Variants in ZBTB40 observed in about 807,000 individuals in gnomAD.
ZBTB40 encodes the protein zinc finger and BTB domain-containing protein 40.
In ZBTB40, 60 loss-of-function variants were observed where a neutral mutation model predicts 117.5. The ratio of observed to expected loss-of-function variants is 0.51; its 90% confidence interval spans 0.41 to 0.63. The LOEUF (loss-of-function observed/expected upper bound fraction) is 0.63. Ranked by LOEUF, ZBTB40 falls within the 30% of genes least tolerant of loss-of-function variation. ZBTB40 has a pLI of 0.00. For synonymous variants in ZBTB40, 525 were observed against 577.1 expected (o/e 0.91, Z 1.29); for missense variants, 1,287 against 1,498.5 (o/e 0.86, Z 2.33).
chr1:22,452,799 A>C (rs1640912644), intron 1 of ZBTB40: 1 of 152,214 alleles, frequency 6.6e-6, no homozygotes. Flanking sequence ...TTGACAGAAC[A>C]CTCTGGCTTC....
chr1:22,495,943 T>TA (rs1327572040), intron 3 of ZBTB40, among the ~76,000 whole-genome samples: 1 of 152,194 alleles, frequency 6.6e-6, no homozygotes, highest in African/African-American at 2.4e-5. Flanking sequence ...TTCATGTGGG[T>TA]AAAAACAAAC....
upstream of ZBTB40, among the ~76,000 whole-genome samples, chr1:22,449,690 T>TA (rs555423029): frequency 1.3e-5 from 2 of 152,214 alleles, no homozygotes; most frequent in East Asian, 1.9e-4. Flanking sequence ...TGTATTCATT[T>TA]AAAAAAAGTT....
chr1:22,471,679 T>C (rs1476148743), intron 1 of ZBTB40, among the ~76,000 whole-genome samples: 1 of 152,170 alleles, frequency 6.6e-6, no homozygotes, highest in Non-Finnish European at 1.5e-5. Context: ...GACCAGTGGA[T>C]TGGGCAAAAA....
At chr1:22,487,746 T>A (rs1485325756) in intron 1 of ZBTB40, among the ~76,000 whole-genome samples, 1 of 152,152 alleles carries the variant, frequency 6.6e-6, no homozygotes, top group African/African-American at 2.4e-5. Flanking sequence ...AGGTGGTATA[T>A]TTAAAATGCA....
intron 1 of ZBTB40, among the ~76,000 whole-genome samples, chr1:22,434,985 G>A (rs945762886): frequency 3.3e-5 from 5 of 150,078 alleles, no homozygotes; most frequent in Admixed American, 1.3e-4. Context: ...ATGTGTTTCC[G>A]TTTGCTCGAG....
At chr1:22,494,643 T>G (rs959953679) in intron 3 of ZBTB40, among the ~76,000 whole-genome samples, 2 of 152,262 alleles carry the variant, frequency 1.3e-5, no homozygotes, top group East Asian at 3.8e-4. Flanking sequence ...ATGTCTGTGC[T>G]GGCACCTTTC....
chr1:22,520,424 T>C (rs1456839642), intron 14 of ZBTB40, 149 bp downstream of exon 14: 1 of 741,894 alleles, frequency 1.3e-6, no homozygotes, highest in Non-Finnish European at 2.3e-6. Flanking sequence ...ATGCAGCTTG[T>C]GATCCAGATT....
chr1:22,477,645 T>A, intron 1 of ZBTB40, among the ~76,000 whole-genome samples: 1 of 143,512 alleles, frequency 7.0e-6, no homozygotes. Flanking sequence ...CGAGACTCTG[T>A]CTCAAAAAAA....
At position 22,526,694 on chromosome 1, in the gene ZBTB40, G is replaced by T. The variant is rs1370043661; in HGVS notation, c.*298G>T. ...CCCCAAGTGACATGTGGCTTCAGAA[G>T]TAGAGTCTGAAAGAGCAGTGGGATG... On this transcript the variant is annotated 3_prime_UTR_variant, in exon 18 of 18. Transcript: ENST00000375647. The T allele has an allele frequency of 5.0e-6, 2 of 400,616 alleles. No individual in the cohort carries two copies. The highest frequency in any genetic ancestry group is 9.5e-6 in the Non-Finnish European group (2 of 209,772). 24.8% of individuals were successfully genotyped at this position (400,616 alleles called of 1,614,324 possible). A position where few individuals can be genotyped will look rare whatever the true frequency, so the allele number is the denominator to read the frequency against.
At chr1:22,519,903 T>C (rs115679995) in intron 13 of ZBTB40, among the ~76,000 whole-genome samples, 158 bp from the exon 14 acceptor site, 2,182 of 152,308 alleles carry the variant, frequency 0.014, 50 homozygotes, top group African/African-American at 0.049. Flanking sequence ...ACTGCTACAC[T>C]GATTTCTGAT....
At chr1:22,502,733 G>A (rs1638975461) in intron 5 of ZBTB40, among the ~76,000 whole-genome samples, 1 of 152,048 alleles carries the variant, frequency 6.6e-6, no homozygotes, top group Admixed American at 6.5e-5. Context: ...ACGGACGGAC[G>A]GATGGACCGA....
At chr1:22,519,692 C>A in intron 13 of ZBTB40, 1 of 340,968 alleles carries the variant, frequency 2.9e-6, no homozygotes, top group Non-Finnish European at 5.7e-6. Context: ...AAATCCTCTA[C>A]AGAGAATTAG....
intron 17 of ZBTB40, among the ~76,000 whole-genome samples, chr1:22,525,031 T>C (rs567267034): frequency 4.3e-4 from 66 of 152,148 alleles, no homozygotes; most frequent in Non-Finnish European, 7.6e-4. Flanking sequence ...TGTGGGTGGG[T>C]TGGAGAGGAA....
Position 22,490,030 on chromosome 1 carries a change from A to G in ZBTB40, c.82A>G (p.Ile28Val). 1.1e-5 allele frequency: 17 copies of G among 1,614,088 alleles called. No individual in the cohort carries two copies. Among genetic ancestry groups the G allele is most frequent in the Non-Finnish European group, 1.4e-5 (17 of 1,180,018 alleles). Residue 28 changes from isoleucine to valine, a missense_variant, in exon 2 of 18, where the codon ATC (isoleucine) becomes GTC (valine). Physicochemically the swap from Ile to Val is conservative, Grantham distance 29. Coordinates refer to ENST00000375647, the MANE Select transcript of ZBTB40 (RefSeq NM_014870.4). ...CKEQQFCDCT[I>V]SIGTIYFRAH... is the part of the protein sequence containing the mutation. ...GGAGCAGCAGTTCTGTGATTGCACCATCTCCATTGGTACCATTTACTTCAG... is the reference window on the plus strand; with the variant it reads ...GGAGCAGCAGTTCTGTGATTGCACCGTCTCCATTGGTACCATTTACTTCAG...
chr1:22,454,792 G>C (rs1205987683), intron 1 of ZBTB40, among the ~76,000 whole-genome samples: 1 of 152,242 alleles, frequency 6.6e-6, no homozygotes, highest in Non-Finnish European at 1.5e-5. Flanking sequence ...TCAAAGGGTT[G>C]TGCAGATTAA....
At chr1:22,515,641 AG>A (rs1639356025) in intron 12 of ZBTB40, among the ~76,000 whole-genome samples, 1 of 152,216 alleles carries the variant, frequency 6.6e-6, no homozygotes, top group African/African-American at 2.4e-5. Context: ...CCCTCTTATG[AG>A]GACCCTTGCG....
chr1:22,460,107 C>T lies in ZBTB40; in HGVS notation c.-70+8103C>T, dbSNP rs187347788. ...TCCTATTATATTGTTCCCTAAATCT[C>T]CTTCTTTTGTCCACCTTCATCTCTT... is the stretch of plus-strand genomic sequence containing the variant. On this transcript the variant is annotated intron_variant, in intron 1 of 17. Coordinates refer to ENST00000375647, the MANE Select transcript of ZBTB40 (RefSeq NM_014870.4). 1.2e-4 allele frequency among the ~76,000 whole-genome samples: 19 copies of T among 152,304 alleles called. No homozygotes were observed. In the East Asian group the frequency reaches 3.7e-3, roughly 29 times the overall value.
At chr1:22,431,086 A>G (rs1640573886) in intron 1 of ZBTB40, among the ~76,000 whole-genome samples, 1 of 151,558 alleles carries the variant, frequency 6.6e-6, no homozygotes, top group Admixed American at 6.6e-5. Context: ...TCTCTTCTTT[A>G]TCAGTTTCTG....
chr1:22,526,858 G>A lies in ZBTB40; in HGVS notation c.*462G>A. On this transcript the variant is annotated 3_prime_UTR_variant, in exon 18 of 18. Coordinates refer to ENST00000375647, the MANE Select transcript of ZBTB40 (RefSeq NM_014870.4). ...TGCCTCTGGCCATTTAAAGTGAGAGGGGCACCAACAGACAATTCGGGGACC... is the reference window on the plus strand; with the variant it reads ...TGCCTCTGGCCATTTAAAGTGAGAGAGGCACCAACAGACAATTCGGGGACC... 1 of 275,228 alleles carries A rather than the reference G, an allele frequency of 3.6e-6. No individual in the cohort carries two copies. Among genetic ancestry groups the A allele is most frequent in the Non-Finnish European group, 7.2e-6 (1 of 139,810 alleles). 17.0% of individuals were successfully genotyped at this position (275,228 alleles called of 1,614,324 possible).
Sources: allele counts gnomAD v4.1 joint callset (sites outside exome capture counted in the v4.1 genomes callset), GRCh38; gene constraint gnomAD v4.1.1; transcripts MANE v1.5; gene names NCBI Gene and HGNC (gene_info 2026-07-23, HGNC 2026-07-21).